ROBO1: variants seen among roughly 807,000 people sequenced by gnomAD.
ROBO1 encodes roundabout homolog 1.
In ROBO1, 149 loss-of-function variants were observed where a neutral mutation model predicts 195.9. That is an observed-to-expected ratio of 0.76 (90% CI 0.67 to 0.87). The LOEUF (loss-of-function observed/expected upper bound fraction) is 0.87, where lower values mean the gene tolerates loss of function less well. Among genes scored for constraint, ROBO1 ranks in the 40% least tolerant of loss-of-function variants. The pLI, the probability that ROBO1 is intolerant of heterozygous loss-of-function variation, is 0.00. For synonymous variants in ROBO1, 816 were observed against 733.2 expected, an observed-to-expected ratio of 1.11 and a Z score of -1.82; for missense variants, 1,933 against 2,068.3, an observed-to-expected ratio of 0.93 and a Z score of 1.27.
At chr3:79,592,766 A>C (rs1944044389) in intron 1 of ROBO1, among the ~76,000 whole-genome samples, 1 of 152,072 alleles carries the variant, frequency 6.6e-6, no homozygotes, top group African/African-American at 2.4e-5. Flanking sequence ...TCCATAGTTT[A>C]CATTAAGGTT....
At chr3:79,729,390 T>C (rs1471671600) in intron 1 of ROBO1, among the ~76,000 whole-genome samples, 1 of 152,156 alleles carries the variant, frequency 6.6e-6, no homozygotes, top group African/African-American at 2.4e-5. Flanking sequence ...GAAATTCATA[T>C]AAAGCTAATT....
intron 2 of ROBO1, among the ~76,000 whole-genome samples, chr3:79,575,465 AATAC>A (rs1372362790): frequency 7.5e-6 from 1 of 132,684 alleles, no homozygotes. Context: ...ATATATAACA[AATAC>A]ATATATAAAT....
chr3:79,654,618 G>A (rs1490588556), intron 1 of ROBO1, among the ~76,000 whole-genome samples: 3 of 151,894 alleles, frequency 2.0e-5, no homozygotes, highest in Non-Finnish European at 4.4e-5. Context: ...TCTTTTAAAA[G>A]ATGCATTTAA....
At chr3:79,500,117 C>CTGTTTTTT (rs1559944090) in intron 2 of ROBO1, among the ~76,000 whole-genome samples, 1 of 110,616 alleles carries the variant, frequency 9.0e-6, no homozygotes, top group African/African-American at 3.6e-5. Flanking sequence ...AGTAAGTTTT[C>CTGTTTTTT]TCTTTTTTTT....
At chr3:79,670,180 G>T (rs1180812090) in intron 1 of ROBO1, among the ~76,000 whole-genome samples, 1 of 151,756 alleles carries the variant, frequency 6.6e-6, no homozygotes, top group Non-Finnish European at 1.5e-5. Context: ...TAAGATATAG[G>T]ATATTTTCAT....
intron 2 of ROBO1, among the ~76,000 whole-genome samples, chr3:79,462,255 C>G (rs1346912699): frequency 6.6e-6 from 1 of 152,102 alleles, no homozygotes; most frequent in Non-Finnish European, 1.5e-5. Context: ...CACAGGCAAG[C>G]CCAGATGCAA....
At chr3:78,893,260 G>A (rs567748713) in intron 4 of ROBO1, among the ~76,000 whole-genome samples, 14 of 152,270 alleles carry the variant, frequency 9.2e-5, no homozygotes, top group East Asian at 3.9e-4. Context: ...GGCCATGAGC[G>A]CTCCTCTCTA....
intron 1 of ROBO1, among the ~76,000 whole-genome samples, chr3:79,766,142 T>C (rs1704975169): frequency 6.6e-6 from 1 of 152,006 alleles, no homozygotes; most frequent in African/African-American, 2.4e-5. Flanking sequence ...TCTGGAAATC[T>C]GCCCCCTTTA....
At chr3:78,917,226 A>AG (rs1193864391) in intron 4 of ROBO1, among the ~76,000 whole-genome samples, 1 of 151,012 alleles carries the variant, frequency 6.6e-6, no homozygotes, top group Non-Finnish European at 1.5e-5. Context: ...CCTCCTAAGT[A>AG]GCCAAGATTA....
intron 2 of ROBO1, among the ~76,000 whole-genome samples, chr3:79,268,066 A>T (rs1192843319): frequency 1.3e-5 from 2 of 151,688 alleles, no homozygotes; most frequent in Non-Finnish European, 3.0e-5. Context: ...AGAAAAATTC[A>T]TTGTCAAGTT....
chr3:79,553,823 C>T (rs1031066963), intron 2 of ROBO1, among the ~76,000 whole-genome samples: 1 of 152,044 alleles, frequency 6.6e-6, no homozygotes, highest in African/African-American at 2.4e-5. Flanking sequence ...TGTCTGGATC[C>T]AGCACAGATC....
chr3:79,510,916 G>A (rs939104831), intron 2 of ROBO1, among the ~76,000 whole-genome samples: 10 of 152,106 alleles, frequency 6.6e-5, no homozygotes, highest in African/African-American at 1.9e-4. Context: ...AGAAGTTTCT[G>A]TTGTCTCCTT....
At chr3:79,539,851 T>C (rs1942000183) in intron 2 of ROBO1, among the ~76,000 whole-genome samples, 1 of 152,094 alleles carries the variant, frequency 6.6e-6, no homozygotes, top group African/African-American at 2.4e-5. Context: ...AGCATAAAAA[T>C]TGTCTATTAA....
intron 4 of ROBO1, among the ~76,000 whole-genome samples, chr3:78,788,981 G>C (rs2083935656): frequency 6.6e-6 from 1 of 152,110 alleles, no homozygotes; most frequent in Non-Finnish European, 1.5e-5. Context: ...AAGAGTAAAA[G>C]AATTATGAAT....
intron 1 of ROBO1, among the ~76,000 whole-genome samples, chr3:79,690,686 T>C (rs1228301008): frequency 6.6e-6 from 1 of 151,948 alleles, no homozygotes; most frequent in Admixed American, 6.6e-5. Context: ...AATCCCACAT[T>C]TCCCAGTACT....
chr3:78,906,716 G>C (rs201338815), intron 4 of ROBO1, among the ~76,000 whole-genome samples: 1 of 73,454 alleles, frequency 1.4e-5, no homozygotes, highest in Non-Finnish European at 3.2e-5. Flanking sequence ...CTTTTACTTA[G>C]TTAATTATAT....
chr3:79,493,494 G>T (rs1939573792), intron 2 of ROBO1, among the ~76,000 whole-genome samples: 2 of 151,900 alleles, frequency 1.3e-5, no homozygotes, highest in Admixed American at 1.3e-4. Flanking sequence ...ATAAAAGTAT[G>T]TAATTTTTAA....
At chr3:79,369,694 T>G (rs941476607) in intron 2 of ROBO1, among the ~76,000 whole-genome samples, 7 of 152,124 alleles carry the variant, frequency 4.6e-5, no homozygotes, top group African/African-American at 1.4e-4. Context: ...TTTTTTTCTT[T>G]TGATCTTTAG....
intron 2 of ROBO1, among the ~76,000 whole-genome samples, chr3:79,153,049 C>A (rs1478797158): frequency 1.3e-5 from 2 of 151,664 alleles, no homozygotes. Context: ...GGGACACAAT[C>A]CAACTTATAT....
Sources: gnomAD v4.1 joint callset for allele counts (sites outside exome capture counted in the v4.1 genomes callset) on GRCh38, gnomAD v4.1.1 for gene constraint, MANE v1.5 for transcripts, NCBI Gene and HGNC (gene_info 2026-07-23, HGNC 2026-07-21) for gene names.